Variants in PSMG2 observed in about 807,000 individuals in gnomAD.
PSMG2 encodes proteasome assembly chaperone 2.
In PSMG2, 21 loss-of-function variants were observed where a neutral mutation model predicts 31.5. The ratio of observed to expected loss-of-function variants is 0.67; its 90% CI spans 0.47 to 0.96. The LOEUF is 0.96. Among genes scored for constraint, PSMG2 ranks in the 40% least tolerant of loss-of-function variants. PSMG2 has a pLI of 0.00. For synonymous variants in PSMG2, 120 were observed against 110.4 expected (o/e 1.09, Z -0.54); for missense variants, 318 against 321.2 (o/e 0.99, Z 0.08).
intron 1 of PSMG2, among the ~76,000 whole-genome samples, chr18:12,665,319 C>T (rs1363845198): frequency 1.3e-5 from 2 of 152,094 alleles, no homozygotes; most frequent in Non-Finnish European, 2.9e-5. Context: ...CCCAGCTACT[C>T]GGGAGGCTGA....
At chr18:12,700,787 G>A (rs1353329432), upstream of PSMG2, among the ~76,000 whole-genome samples, 3 of 152,106 alleles carry the variant, frequency 2.0e-5, no homozygotes, top group Admixed American at 6.5e-5. Flanking sequence ...AAACTATTCA[G>A]TATATTCAAG....
upstream of PSMG2, among the ~76,000 whole-genome samples, chr18:12,699,651 C>A (rs2040083172): frequency 6.6e-6 from 1 of 152,060 alleles, no homozygotes; most frequent in African/African-American, 2.4e-5. Flanking sequence ...TTCTACCGTG[C>A]TATACATTAA....
chr18:12,669,945 C>CGAGATTGCGGTGAGCT (rs1225517795), intron 1 of PSMG2, among the ~76,000 whole-genome samples: 3 of 150,472 alleles, frequency 2.0e-5, no homozygotes, highest in African/African-American at 4.9e-5. Context: ...TGCGGTGAGC[C>CGAGATTGCGGTGAGCT]GAGATTGCAC....
intron 1 of PSMG2, among the ~76,000 whole-genome samples, chr18:12,666,590 C>T (rs1027355009): frequency 1.3e-5 from 2 of 151,840 alleles, no homozygotes; most frequent in African/African-American, 4.8e-5. Flanking sequence ...CAGGTGCACG[C>T]ACCATGCCTG....
At chr18:12,673,271 G>A (rs2038993725) in intron 1 of PSMG2, 4 of 1,478,798 alleles carry the variant, frequency 2.7e-6, no homozygotes, top group Admixed American at 5.3e-5. Flanking sequence ...GCCAGATTGT[G>A]ATTTTAAAAT....
Position 12,681,256 on chromosome 18 carries a change from ATTT to A in PSMG2, c.-37+22502_-37+22504del, listed in dbSNP as rs34816720. Among the ~76,000 whole-genome samples the A allele has an allele frequency of 7.9e-3, 906 of 115,322 alleles. 9 individuals are homozygous for A. The highest frequency in any genetic ancestry group is 0.025 in the African/African-American group (752 of 29,686). The allele number at this position is 115,322 out of a possible 152,430, so 75.7% of individuals were successfully genotyped here. A position where few individuals can be genotyped will look rare whatever the true frequency, so the allele number is the denominator to read the frequency against. On this transcript the variant is annotated intron_variant, in intron 1 of 6. Transcript: ENST00000585331. ...CACAACACAGAAAGAAAAGTAGAAC[ATTT>A]TTTTTTTTTTTTTTTTTTGAGACAG... is the stretch of plus-strand genomic sequence containing the variant.
Position 12,705,694 on chromosome 18 carries a change from C to T in PSMG2, c.58-856C>T, listed in dbSNP as rs142029629. On this transcript the variant is annotated intron_variant, in intron 1 of 6. Coordinates refer to ENST00000317615, the MANE Select transcript of PSMG2 (RefSeq NM_020232.5). Reference sequence around the variant, plus strand: ...AAGCAGACCCAAGAGTGCTTCTGTTCATACCTCGAAGCCTTTACACTTGCT... The same window carrying T: ...AAGCAGACCCAAGAGTGCTTCTGTTTATACCTCGAAGCCTTTACACTTGCT... Among the ~76,000 whole-genome samples, 680 of 152,014 alleles carry T rather than the reference C, an allele frequency of 4.5e-3. 4 individuals are homozygous for T. The highest frequency in any genetic ancestry group is 0.016 in the African/African-American group (643 of 41,474).
At chr18:12,678,599 CTG>C (rs1265585372) in intron 1 of PSMG2, among the ~76,000 whole-genome samples, 1 of 152,100 alleles carries the variant, frequency 6.6e-6, no homozygotes, top group Non-Finnish European at 1.5e-5. Context: ...TTTGATTACT[CTG>C]TATTAATTGT....
intron 1 of PSMG2, among the ~76,000 whole-genome samples, chr18:12,693,177 T>C (rs2039829438): frequency 6.6e-6 from 1 of 152,154 alleles, no homozygotes; most frequent in South Asian, 2.1e-4. Flanking sequence ...TATCAGATAA[T>C]AGAATAAACT....
At chr18:12,714,010 C>G (rs1322929454) in intron 3 of PSMG2, among the ~76,000 whole-genome samples, 1 of 152,150 alleles carries the variant, frequency 6.6e-6, no homozygotes, top group Non-Finnish European at 1.5e-5. Context: ...CTTGGCCTTT[C>G]AAATGCTGGG....
intron 1 of PSMG2, 149 bp downstream of exon 1, chr18:12,703,313 G>A: frequency 1.1e-6 from 1 of 913,018 alleles, no homozygotes; most frequent in Admixed American, 2.9e-5. Context: ...GGAGGTTGTA[G>A]CCGGAGGCAG....
intron 1 of PSMG2, among the ~76,000 whole-genome samples, chr18:12,660,307 T>C (rs2038669527): frequency 6.9e-6 from 1 of 145,792 alleles, no homozygotes; most frequent in Non-Finnish European, 1.5e-5. Flanking sequence ...CTCTAATCAA[T>C]GGAAAAAGAT....
rs1224307689 is a variant in PSMG2 at position 12,705,240 on chromosome 18, T to A, written c.58-1310T>A. 2.0e-5 allele frequency among the ~76,000 whole-genome samples: 3 copies of A among 152,202 alleles called. No individual in the cohort carries two copies. In the South Asian group the frequency reaches 6.2e-4, roughly 32 times the overall value. The stretch of plus-strand genomic sequence containing the variant: ...CCACCACGCCCAGCTAATTTTGTAT[T>A]TTTGGTAGAGACAGGGTTTCACCAT... On this transcript the variant is annotated intron_variant, in intron 1 of 6. Transcript: ENST00000317615.
At chr18:12,677,362 T>A (rs2039175059) in intron 1 of PSMG2, among the ~76,000 whole-genome samples, 1 of 144,670 alleles carries the variant, frequency 6.9e-6, no homozygotes, top group Admixed American at 7.4e-5. Context: ...TGCTTAAACC[T>A]GGGAGGTAGA....
upstream of PSMG2, among the ~76,000 whole-genome samples, chr18:12,699,605 T>C (rs1248842975): frequency 6.6e-6 from 1 of 152,182 alleles, no homozygotes; most frequent in African/African-American, 2.4e-5. Flanking sequence ...TAAAACATAT[T>C]ATTAAAACAC....
intron 1 of PSMG2, chr18:12,678,393 G>C: frequency 1.2e-6 from 2 of 1,614,068 alleles, no homozygotes; most frequent in East Asian, 2.2e-5. Flanking sequence ...AGTGGTTTGG[G>C]CTGTTCAGCA....
intron 4 of PSMG2, among the ~76,000 whole-genome samples, chr18:12,719,234 A>G (rs577752171): frequency 6.6e-6 from 1 of 152,180 alleles, no homozygotes; most frequent in East Asian, 1.9e-4. Flanking sequence ...TCGTATTTGC[A>G]GAAATCCACT....
intron 2 of PSMG2, among the ~76,000 whole-genome samples, chr18:12,707,015 A>T (rs1454589866): frequency 6.6e-6 from 1 of 152,010 alleles, no homozygotes; most frequent in Admixed American, 6.5e-5. Flanking sequence ...GAGTGCAGTG[A>T]CGCGATCTCC....
chr18:12,709,696 C>T (rs2040309403), intron 2 of PSMG2, among the ~76,000 whole-genome samples: 1 of 151,922 alleles, frequency 6.6e-6, no homozygotes, highest in East Asian at 2.0e-4. Flanking sequence ...GATGAGGTTT[C>T]ACCATGCAAG....
Sources: allele counts gnomAD v4.1 joint callset (sites outside exome capture counted in the v4.1 genomes callset), GRCh38; gene constraint gnomAD v4.1.1; transcripts MANE v1.5; gene names NCBI Gene and HGNC (gene_info 2026-07-23, HGNC 2026-07-21).